Variants in MCM2 observed in about 807,000 individuals in gnomAD.
MCM2 encodes DNA replication licensing factor MCM2.
Under a neutral mutation model 86.4 loss-of-function variants are expected in MCM2, and 49 were observed. That is an observed-to-expected ratio of 0.57 (90% CI 0.45 to 0.72). The LOEUF (loss-of-function observed/expected upper bound fraction) is 0.72. MCM2 is among the 30% of genes least tolerant of loss of function. The pLI is 0.00. For missense variants in MCM2, 1,038 were observed against 1,259.9 expected (o/e 0.82, Z 2.67); for synonymous variants, 475 against 484.6 (o/e 0.98, Z 0.26).
intron 8 of MCM2, among the ~76,000 whole-genome samples, chr3:127,614,059 TG>T (rs2074417119): frequency 6.6e-6 from 1 of 152,182 alleles, no homozygotes; most frequent in South Asian, 2.1e-4. Flanking sequence ...TACTGTTAAA[TG>T]GGGGATTAAG....
intron 6 of MCM2, among the ~76,000 whole-genome samples, chr3:127,607,435 C>T (rs1160577176): frequency 6.6e-6 from 1 of 152,250 alleles, no homozygotes; most frequent in African/African-American, 2.4e-5. Context: ...CTCTTCTCAC[C>T]GCTCTGCAGT....
chr3:127,616,845 C>T (rs765002990), intron 9 of MCM2, 23 bp from the exon 10 acceptor site: 2 of 1,604,072 alleles, frequency 1.2e-6, no homozygotes, highest in Admixed American at 1.7e-5. Context: ...TCCCCCTCCC[C>T]CGCTTCTACT....
rs111530425 is a variant in MCM2 at position 127,618,066 on chromosome 3, C to A, written c.1998C>A (p.Thr666=). The change falls in exon 12 of 16, where the codon ACC becomes ACA. Residue 666 remains threonine (T), a synonymous_variant. Transcript: ENST00000265056. This position sits in a 1 kb window ranked among gnomAD's most constrained non-coding sequence, Gnocchi z 4.0. The part of the protein sequence containing the change: ...RFDILCVVRD[T]VDPVQDEMLA... ...ACATCCTGTGTGTGGTGAGGGACAC[C>A]GTGGACCCAGTCCAGGTATAGCTCA... 1.2e-6 allele frequency: 2 copies of A among 1,613,880 alleles called. No homozygotes were observed. The highest frequency in any genetic ancestry group is 1.1e-5 in the South Asian group (1 of 91,038).
At chr3:127,604,416 T>C (rs1469455838) in intron 2 of MCM2, 192 bp from the exon 3 acceptor site, 11 of 598,790 alleles carry the variant, frequency 1.8e-5, no homozygotes, top group East Asian at 5.5e-5. Context: ...TCGTCCATCA[T>C]ATGGACAGAT....
chr3:127,599,315 C>G lies in MCM2; in HGVS notation c.7-3C>G, dbSNP rs749656973. 1 of 1,613,448 alleles carries G rather than the reference C, an allele frequency of 6.2e-7. No individual in the cohort carries two copies. Among genetic ancestry groups the G allele is most frequent in the Non-Finnish European group, 8.5e-7 (1 of 1,179,432 alleles). On this transcript the variant is annotated splice_polypyrimidine_tract_variant and splice_region_variant and intron_variant, in intron 1 of 15. Transcript: ENST00000265056. ...TTTCTGACAACCGCACCTTCTCTTG[C>G]AGGAATCATCGGAATCCTTCACCAT...
chr3:127,612,761 C>T (rs1576417279), intron 8 of MCM2, among the ~76,000 whole-genome samples: 1 of 152,080 alleles, frequency 6.6e-6, no homozygotes, highest in Non-Finnish European at 1.5e-5. Context: ...TTGCTGGGTG[C>T]GGAGACTGAG....
intron 2 of MCM2, among the ~76,000 whole-genome samples, chr3:127,600,350 C>T (rs1274702140): frequency 6.6e-6 from 1 of 152,202 alleles, no homozygotes; most frequent in African/African-American, 2.4e-5. Context: ...TGCGCATAAG[C>T]AAGGCTAGAT....
rs1559863563 is a variant in MCM2, at chr3:127,608,897, CTT to C, written c.1304_1305del (p.Phe435CysfsTer24). ...TCAACACTGCCAATGGCTTCCCTGT[CTT>C]TGCCACTGTCATCCTAGCCAACCAC... ...SLNTANGFPV[F>X]ATVILANHVA... On this transcript the variant is annotated frameshift_variant, in exon 8 of 16. Transcript: ENST00000265056. LOFTEE classifies it high-confidence loss of function. 6.2e-7 allele frequency: 1 copy of C among 1,614,182 alleles called. No individual in the cohort carries two copies. The highest frequency in any genetic ancestry group is 8.5e-7 in the Non-Finnish European group (1 of 1,180,032).
At chr3:127,605,214 A>G in intron 4 of MCM2, 58 bp downstream of exon 4, 1 of 1,582,062 alleles carries the variant, frequency 6.3e-7, no homozygotes, top group Non-Finnish European at 8.6e-7. Flanking sequence ...AATCCTCCCC[A>G]GAAAGTTGTC....
intron 2 of MCM2, among the ~76,000 whole-genome samples, chr3:127,599,807 G>C (rs920308824): frequency 1.3e-5 from 2 of 152,154 alleles, no homozygotes; most frequent in Non-Finnish European, 2.9e-5. Flanking sequence ...GAGAATGTAG[G>C]GGTCTCTAAT....
chr3:127,603,021 T>G (rs1311140953), intron 2 of MCM2, among the ~76,000 whole-genome samples: 6 of 147,728 alleles, frequency 4.1e-5, no homozygotes, highest in Non-Finnish European at 7.4e-5. Context: ...TTTTCTTTTG[T>G]TTTTTTTTTG....
rs772313459 is a variant in MCM2 at position 127,621,664 on chromosome 3, C to T, written c.2606C>T (p.Ala869Val). ...EVPEKDLVDKARQINIHNLSA... is the reference protein window; with the variant it reads ...EVPEKDLVDKVRQINIHNLSA... The stretch of plus-strand genomic sequence containing the variant: ...TCACTGGACACTTCCTCCTTGCAGG[C>T]TCGTCAGATCAACATCCACAACCTC... The change falls in exon 16 of 16, where the codon GCT becomes GTT. Residue 869 changes from alanine to valine, a missense_variant and splice_region_variant. Ala to Val is a moderately conservative substitution (Grantham distance 64). Around this residue, in one of 4 missense-constraint regions of MCM2, gnomAD observed 336 missense variants for 425.7 expected, o/e 0.79. Transcript: ENST00000265056. The T allele has an allele frequency of 6.2e-7, 1 of 1,609,098 alleles. No homozygotes were observed. Among genetic ancestry groups the T allele is most frequent in the Non-Finnish European group, 8.5e-7 (1 of 1,175,596 alleles).
At chr3:127,619,889 AG>A (rs2074463430) in intron 13 of MCM2, among the ~76,000 whole-genome samples, 1 of 152,058 alleles carries the variant, frequency 6.6e-6, no homozygotes, top group African/African-American at 2.4e-5. Context: ...AAGCTAAGGA[AG>A]GAAGATCTAC....
chr3:127,600,463 GT>G (rs2074299829), intron 2 of MCM2, among the ~76,000 whole-genome samples: 1 of 152,166 alleles, frequency 6.6e-6, no homozygotes, highest in South Asian at 2.1e-4. Flanking sequence ...TGCTCCTTTT[GT>G]GCCTTTTCAG....
chr3:127,606,541 G>T lies in MCM2; in HGVS notation c.894-69G>T. The T allele has an allele frequency of 6.9e-7, 1 of 1,444,554 alleles. No homozygotes were observed. Among genetic ancestry groups the T allele is most frequent in the Non-Finnish European group, 9.7e-7 (1 of 1,033,288 alleles). 89.5% of individuals were successfully genotyped at this position (1,444,554 alleles called of 1,614,324 possible). A position where few individuals can be genotyped will look rare whatever the true frequency, so the allele number is the denominator to read the frequency against. Reference sequence around the variant, plus strand: ...GGCCCAATTTCCAGGACAGTGTGTTGGGACACTCTCGTCTGCAGCCTGGCC... The same window carrying T: ...GGCCCAATTTCCAGGACAGTGTGTTTGGACACTCTCGTCTGCAGCCTGGCC... On this transcript the variant is annotated intron_variant, in intron 5 of 15. Transcript: ENST00000265056. The surrounding 1 kb of genome is among the most constrained non-coding windows in gnomAD (Gnocchi z 4.2).
At chr3:127,609,307 C>T (rs17538523) in intron 8 of MCM2, among the ~76,000 whole-genome samples, 105 of 152,168 alleles carry the variant, frequency 6.9e-4, no homozygotes, top group Non-Finnish European at 1.1e-3. Flanking sequence ...CTGCTGAGGA[C>T]GGGGTTGCGA....
chr3:127,620,793 C>A lies in MCM2; in HGVS notation c.2361C>A (p.Ile787=). ...HARIHLRDYV[I]EDDVNMAIRV... is the part of the protein sequence containing the mutation. ...GCATCCATCTGCGGGACTATGTGAT[C>A]GAAGACGACGTCAACATGGCCATCC... Residue 787 remains isoleucine, a synonymous_variant, in exon 14 of 16, where the codon ATC becomes ATA. Transcript: ENST00000265056. The A allele has an allele frequency of 6.2e-7, 1 of 1,614,124 alleles. No individual in the cohort carries two copies.
intron 7 of MCM2, 113 bp from the exon 8 acceptor site, chr3:127,608,719 A>T: frequency 8.1e-7 from 1 of 1,230,276 alleles, no homozygotes; most frequent in Non-Finnish European, 1.2e-6. Context: ...TGAGTTACTT[A>T]TCTTGGTGTC....
At position 127,621,653 on chromosome 3, in the gene MCM2, C is replaced by T. The variant is rs1288986964; in HGVS notation, c.2605-10C>T. 6.3e-7 allele frequency: 1 copy of T among 1,594,744 alleles called. No homozygotes were observed. Among genetic ancestry groups the T allele is most frequent in the Non-Finnish European group, 8.6e-7 (1 of 1,162,702 alleles). On this transcript the variant is annotated splice_polypyrimidine_tract_variant and intron_variant, in intron 15 of 15. Coordinates refer to ENST00000265056, the MANE Select transcript of MCM2 (RefSeq NM_004526.4). Reference sequence around the variant, plus strand: ...CCACTGATGGCTCACTGGACACTTCCTCCTTGCAGGCTCGTCAGATCAACA... The same window carrying T: ...CCACTGATGGCTCACTGGACACTTCTTCCTTGCAGGCTCGTCAGATCAACA...
Sources: allele counts gnomAD v4.1 joint callset (sites outside exome capture counted in the v4.1 genomes callset), GRCh38; gene constraint gnomAD v4.1.1; regional missense constraint gnomAD v4.1.1; non-coding constraint Gnocchi (gnomAD v3.1); transcripts MANE v1.5; gene names NCBI Gene and HGNC (gene_info 2026-07-23, HGNC 2026-07-21).